NOC3L: variants seen among roughly 807,000 people sequenced by gnomAD.
NOC3L encodes nucleolar complex protein 3 homolog.
A neutral mutation model predicts 102.5 loss-of-function variants in NOC3L; 85 were observed. The ratio of observed to expected loss-of-function variants is 0.83; its 90% CI spans 0.70 to 0.99. The LOEUF (loss-of-function observed/expected upper bound fraction) is 0.99. Among genes scored for constraint, NOC3L ranks in the 50% least tolerant of loss-of-function variants. The probability of loss-of-function intolerance (pLI) is 0.00; values close to 1 mark genes in which losing one functional copy is unlikely to be tolerated. For missense variants in NOC3L, 878 were observed against 914.9 expected, an observed-to-expected ratio of 0.96 and a Z score of 0.52; for synonymous variants, 303 against 309.4, an observed-to-expected ratio of 0.98 and a Z score of 0.22.
Position 94,350,140 on chromosome 10 carries a change from GAC to G in NOC3L, c.1099_1100del (p.Val367ProfsTer5). ...ATTTTGACATGTCATTCATGAGAGG[GAC>G]AATCAATACGATGATGTTGTTGTGA... ...NFHNNIIVLI[V>X]PLMNDMSKLI... On this transcript the variant is annotated frameshift_variant, in exon 9 of 21. Coordinates refer to ENST00000371361, the MANE Select transcript of NOC3L (RefSeq NM_022451.11). LOFTEE classifies it high-confidence loss of function. The G allele has an allele frequency of 6.2e-7, 1 of 1,614,094 alleles. No homozygotes were observed. The highest frequency in any genetic ancestry group is 8.5e-7 in the Non-Finnish European group (1 of 1,180,028).
At chr10:94,317,800 T>C in the NOC3L span, among the ~76,000 whole-genome samples, 1 of 152,192 alleles carries the variant, frequency 6.6e-6, no homozygotes, top group African/African-American at 2.4e-5. Flanking sequence ...AGGTCATTTC[T>C]CTAGCATAGA....
At chr10:94,356,509 A>T in intron 5 of NOC3L, 26 bp downstream of exon 5, 1 of 1,448,262 alleles carries the variant, frequency 6.9e-7, no homozygotes, top group Non-Finnish European at 9.7e-7. Context: ...TCAATTAACA[A>T]TTTAGTAACT....
the NOC3L span, among the ~76,000 whole-genome samples, chr10:94,316,251 A>C: frequency 6.6e-6 from 1 of 152,352 alleles, no homozygotes; most frequent in African/African-American, 2.4e-5. Context: ...CAAAGGGCTA[A>C]GTTCATGGAA....
chr10:94,325,064 T>A, the NOC3L span: 2 of 1,614,116 alleles, frequency 1.2e-6, no homozygotes, highest in Non-Finnish European at 1.7e-6. Context: ...AGTGACACAA[T>A]GGATTACCGA....
At chr10:94,338,149 A>G (rs2054243685) in intron 18 of NOC3L, among the ~76,000 whole-genome samples, 1 of 152,230 alleles carries the variant, frequency 6.6e-6, no homozygotes, top group South Asian at 2.1e-4. Flanking sequence ...TCAGAGTGAA[A>G]AAAGTTAATT....
chr10:94,339,654 T>C (rs1227698823), intron 17 of NOC3L, 85 bp downstream of exon 17: 3 of 1,047,582 alleles, frequency 2.9e-6, no homozygotes, highest in South Asian at 3.4e-5. Flanking sequence ...TGAAATAATA[T>C]AAAAGGGGGG....
chr10:94,325,294 G>A, the NOC3L span: 22 of 549,732 alleles, frequency 4.0e-5, no homozygotes, highest in African/African-American at 1.5e-4. Context: ...ATTGAACACC[G>A]CCTATAAAGA....
At chr10:94,352,833 G>C (rs2054437105) in intron 7 of NOC3L, 63 bp downstream of exon 7, 2 of 1,416,922 alleles carry the variant, frequency 1.4e-6, no homozygotes, top group African/African-American at 2.9e-5. Context: ...AAAAAAAAAA[G>C]TCTATCTCTC....
At chr10:94,359,545 T>A (rs188107298) in intron 2 of NOC3L, among the ~76,000 whole-genome samples, 312 of 152,070 alleles carry the variant, frequency 2.1e-3, no homozygotes, top group Admixed American at 3.9e-3. Context: ...ATGAGCCTTC[T>A]AAATTTAATA....
the NOC3L span, among the ~76,000 whole-genome samples, chr10:94,320,601 G>A: frequency 3.3e-5 from 5 of 152,210 alleles, no homozygotes; most frequent in South Asian, 1.0e-3. Context: ...CTGGTCTGGA[G>A]AGATGAGGCT....
chr10:94,352,230 C>A, intron 8 of NOC3L, 80 bp downstream of exon 8: 1 of 967,170 alleles, frequency 1.0e-6, no homozygotes, highest in Admixed American at 2.3e-5. Context: ...TCTCACTACA[C>A]AACACAGAAC....
At chr10:94,318,671 G>C in the NOC3L span, among the ~76,000 whole-genome samples, 3 of 152,192 alleles carry the variant, frequency 2.0e-5, no homozygotes, top group East Asian at 5.8e-4. Flanking sequence ...GGGTAGGCTA[G>C]AGGGAAGACA....
At position 94,358,113 on chromosome 10, in the gene NOC3L, A is replaced by G. The variant is rs2134012179; in HGVS notation, c.320T>C (p.Val107Ala). The change falls in exon 3 of 21, where the codon GTA becomes GCA. Residue 107 changes from valine to alanine, a missense_variant. Val to Ala is a moderately conservative substitution (Grantham distance 64). Transcript: ENST00000371361. ...AGAAAGATCTCTTGTTAGAAAAGAT[A>G]CTCTTTGTCCTAAATCCTTCATTAA... ...LQLMKDLGQR[V>A]SFLTRDLSSS... 1 of 1,605,544 alleles carries G rather than the reference A, an allele frequency of 6.2e-7. No homozygotes were observed. The highest frequency in any genetic ancestry group is 8.5e-7 in the Non-Finnish European group (1 of 1,172,706).
the NOC3L span, chr10:94,325,137 G>A: frequency 6.9e-7 from 1 of 1,457,224 alleles, no homozygotes; most frequent in Non-Finnish European, 9.6e-7. Flanking sequence ...CCTGGAACAG[G>A]GCTTAACTTA....
chr10:94,315,106 G>A, the NOC3L span: 2 of 237,918 alleles, frequency 8.4e-6, no homozygotes, highest in South Asian at 5.8e-5. Flanking sequence ...TGTGGAGGTG[G>A]CCCAGAAGCT....
intron 8 of NOC3L, among the ~76,000 whole-genome samples, chr10:94,350,731 AAAAG>A (rs1198378531): frequency 1.3e-5 from 2 of 151,554 alleles, no homozygotes; most frequent in African/African-American, 4.8e-5. Context: ...AAAAAAAAAA[AAAAG>A]AAGAAGAAAA....
At chr10:94,346,071 G>T (rs530211782) in intron 11 of NOC3L, among the ~76,000 whole-genome samples, 1 of 152,258 alleles carries the variant, frequency 6.6e-6, no homozygotes, top group South Asian at 2.1e-4. Flanking sequence ...AAAGAAACAA[G>T]ATTCAATTAA....
chr10:94,326,231 T>TG, the NOC3L span, among the ~76,000 whole-genome samples: 1 of 152,200 alleles, frequency 6.6e-6, no homozygotes, highest in Admixed American at 6.5e-5. Flanking sequence ...TCTGCCTTTA[T>TG]GACAATGAGG....
At chr10:94,354,922 A>T (rs1321679097) in intron 6 of NOC3L, 41 bp downstream of exon 6, 15 of 1,593,464 alleles carry the variant, frequency 9.4e-6, no homozygotes, top group Non-Finnish European at 1.3e-5. Flanking sequence ...CATTTACACC[A>T]TACCTAATAC....
Sources: allele counts gnomAD v4.1 joint callset (sites outside exome capture counted in the v4.1 genomes callset), GRCh38; gene constraint gnomAD v4.1.1; transcripts MANE v1.5; gene names NCBI Gene and HGNC (gene_info 2026-07-23, HGNC 2026-07-21).